Variants in RHOH observed in about 807,000 individuals in gnomAD.
RHOH encodes ras homolog family member H.
In RHOH, 6 loss-of-function variants were observed where a neutral mutation model predicts 13.8. The ratio of observed to expected loss-of-function variants is 0.44; its 90% CI spans 0.24 to 0.86. The LOEUF is 0.86. RHOH is among the 40% of genes least tolerant of loss of function. The probability of loss-of-function intolerance (pLI) is 0.24; values close to 1 mark genes in which losing one functional copy is unlikely to be tolerated. For missense variants in RHOH, 147 were observed against 244.5 expected (o/e 0.60, Z 2.66); for synonymous variants, 117 against 103.0 (o/e 1.14, Z -0.82).
chr4:40,239,617 G>A (rs186453986), intron 1 of RHOH, among the ~76,000 whole-genome samples: 11 of 152,282 alleles, frequency 7.2e-5, no homozygotes, highest in African/African-American at 2.6e-4. Context: ...AGTGGCTCAC[G>A]CCTGTAATCC....
At chr4:40,241,877 G>A (rs985066587) in intron 1 of RHOH, among the ~76,000 whole-genome samples, 1 of 152,196 alleles carries the variant, frequency 6.6e-6, no homozygotes, top group African/African-American at 2.4e-5. Context: ...GCGACAGAGC[G>A]AGATCCTGTC....
At chr4:40,202,096 G>A (rs937708270) in intron 1 of RHOH, among the ~76,000 whole-genome samples, 11 of 151,696 alleles carry the variant, frequency 7.3e-5, no homozygotes, top group Non-Finnish European at 1.3e-4. Flanking sequence ...GACCACAGGC[G>A]TGTGCCACCA....
intron 1 of RHOH, among the ~76,000 whole-genome samples, chr4:40,217,361 C>A (rs773048640): frequency 6.6e-6 from 1 of 152,008 alleles, no homozygotes; most frequent in Non-Finnish European, 1.5e-5. Flanking sequence ...AAGGATCATG[C>A]GATTTTATTT....
intron 1 of RHOH, among the ~76,000 whole-genome samples, chr4:40,239,328 G>T (rs1728976668): frequency 6.6e-6 from 1 of 152,100 alleles, no homozygotes; most frequent in South Asian, 2.1e-4. Flanking sequence ...TCTCCTTTCT[G>T]ACTCTCTAGG....
chr4:40,198,796 C>T (rs555425777), intron 1 of RHOH, among the ~76,000 whole-genome samples: 2 of 152,328 alleles, frequency 1.3e-5, no homozygotes, highest in East Asian at 3.9e-4. Flanking sequence ...CTCTATTCCT[C>T]AAAAGCCAGT....
chr4:40,203,845 G>A lies in RHOH; in HGVS notation c.-331+6545G>A, dbSNP rs368083691. 5.2e-4 allele frequency among the ~76,000 whole-genome samples: 79 copies of A among 152,300 alleles called. 1 individual carries two copies. In the South Asian group the frequency reaches 0.015, roughly 28 times the overall value. On this transcript the variant is annotated intron_variant, in intron 1 of 2. Transcript: ENST00000381799. ...GAGCACAGAGAAAGATGGTCATGGG[G>A]AGAGTCTGGGACCCATAAACATTCT...
At chr4:40,217,316 A>T (rs1232679146) in intron 1 of RHOH, among the ~76,000 whole-genome samples, 2 of 152,224 alleles carry the variant, frequency 1.3e-5, no homozygotes, top group Non-Finnish European at 2.9e-5. Context: ...CTTCCCGGGA[A>T]GAAATGACAG....
intron 1 of RHOH, among the ~76,000 whole-genome samples, chr4:40,232,027 G>C (rs1463114595): frequency 1.3e-5 from 2 of 152,226 alleles, no homozygotes; most frequent in African/African-American, 4.8e-5. Context: ...GTTGCAGGTA[G>C]CACCTTTTTC....
intron 1 of RHOH, among the ~76,000 whole-genome samples, chr4:40,214,956 C>T (rs565342688): frequency 2.0e-5 from 3 of 152,190 alleles, no homozygotes; most frequent in East Asian, 3.9e-4. Flanking sequence ...ACGAGAGCTG[C>T]GTTTCTCATG....
upstream of RHOH, chr4:40,193,891 C>G (rs111564616): frequency 1.3e-5 from 2 of 152,378 alleles, no homozygotes; most frequent in African/African-American, 4.8e-5. Context: ...AGTACGTCTC[C>G]ACTTTCGTGC....
chr4:40,211,267 A>T (rs934648261), intron 1 of RHOH, among the ~76,000 whole-genome samples: 4 of 151,722 alleles, frequency 2.6e-5, no homozygotes, highest in Non-Finnish European at 5.9e-5. Context: ...TTTAAATTTT[A>T]TTTATTTATT....
intron 1 of RHOH, among the ~76,000 whole-genome samples, chr4:40,213,947 G>C (rs755134206): frequency 1.3e-5 from 2 of 152,084 alleles, no homozygotes; most frequent in Non-Finnish European, 2.9e-5. Flanking sequence ...AGTGGAGACA[G>C]GGTTTCACCA....
At chr4:40,198,609 G>GCCC (rs1203224627) in intron 1 of RHOH, among the ~76,000 whole-genome samples, 1 of 152,166 alleles carries the variant, frequency 6.6e-6, no homozygotes, top group African/African-American at 2.4e-5. Context: ...GCCTCCATTT[G>GCCC]CCCTCTACTG....
chr4:40,223,497 G>C (rs1320711778), intron 1 of RHOH, among the ~76,000 whole-genome samples: 6 of 135,784 alleles, frequency 4.4e-5, no homozygotes, highest in Middle Eastern at 4.6e-3. Flanking sequence ...TTTAGAGAGG[G>C]TCTTGCTCTG....
intron 1 of RHOH, among the ~76,000 whole-genome samples, chr4:40,231,900 A>G (rs1579316153): frequency 6.6e-6 from 1 of 152,276 alleles, no homozygotes; most frequent in East Asian, 1.9e-4. Flanking sequence ...TAGGTGCCCT[A>G]GGTTTTTCCT....
chr4:40,205,273 G>A (rs949198600), intron 1 of RHOH, among the ~76,000 whole-genome samples: 1 of 152,190 alleles, frequency 6.6e-6, no homozygotes, highest in African/African-American at 2.4e-5. Context: ...ACAAGAAAAA[G>A]AAATGCAGGC....
At chr4:40,227,283 G>T (rs1727364984) in intron 1 of RHOH, among the ~76,000 whole-genome samples, 1 of 152,238 alleles carries the variant, frequency 6.6e-6, no homozygotes, top group African/African-American at 2.4e-5. Flanking sequence ...TTGCTACTGT[G>T]TGAATAATTT....
chr4:40,203,536 G>T (rs917215645), intron 1 of RHOH, among the ~76,000 whole-genome samples: 2 of 150,670 alleles, frequency 1.3e-5, no homozygotes, highest in Admixed American at 6.6e-5. Flanking sequence ...GTGTGTGTGT[G>T]TGTGTGTGAG....
rs372209064 is a variant in RHOH at position 40,210,298 on chromosome 4, C to T, written c.-331+12998C>T. Among the ~76,000 whole-genome samples the T allele has an allele frequency of 2.9e-4, 44 of 152,312 alleles. No homozygotes were observed. In the Middle Eastern group the frequency reaches 0.014, roughly 47 times the overall value. The stretch of plus-strand genomic sequence containing the variant: ...AAAGCAACCAGGATTCATTTCTCCA[C>T]GTAACAGGAATTCGGAGGTCTGCGT... On this transcript the variant is annotated intron_variant, in intron 1 of 2. Coordinates refer to ENST00000381799, the MANE Select transcript of RHOH (RefSeq NM_004310.5).
Sources: gnomAD v4.1 joint callset for allele counts (sites outside exome capture counted in the v4.1 genomes callset) on GRCh38, gnomAD v4.1.1 for gene constraint, MANE v1.5 for transcripts, NCBI Gene and HGNC (gene_info 2026-07-23, HGNC 2026-07-21) for gene names.